WDR41: variants seen among roughly 807,000 people sequenced by gnomAD.
WDR41 encodes the protein WD repeat-containing protein 41.
WDR41 carries 63 observed loss-of-function variants against 69.3 expected under a neutral mutation model. The observed-to-expected ratio is 0.91, with a 90% CI of 0.74 to 1.12. The LOEUF (loss-of-function observed/expected upper bound fraction) is 1.12. Ranked by LOEUF, WDR41 falls within the 50% of genes most tolerant of loss-of-function variation. The pLI is 0.00. For missense variants in WDR41, 543 were observed against 534.5 expected, an observed-to-expected ratio of 1.02 and a Z score of -0.16; for synonymous variants, 185 against 192.1, an observed-to-expected ratio of 0.96 and a Z score of 0.31.
chr5:77,565,439 T>C (rs1403309473), intron 1 of WDR41, among the ~76,000 whole-genome samples: 1 of 152,124 alleles, frequency 6.6e-6, no homozygotes, highest in Non-Finnish European at 1.5e-5. Context: ...TATTCTCGTG[T>C]CAATTCCTCC....
chr5:77,492,571 G>A (rs936106334), upstream of WDR41: 3 of 285,062 alleles, frequency 1.1e-5, no homozygotes, highest in Non-Finnish European at 1.9e-5. Flanking sequence ...GGCCCCTGGT[G>A]GACGCGCGCG....
At chr5:77,565,792 C>A (rs1189558674) in intron 1 of WDR41, among the ~76,000 whole-genome samples, 1 of 152,092 alleles carries the variant, frequency 6.6e-6, no homozygotes, top group African/African-American at 2.4e-5. Context: ...TTTTATACTT[C>A]TCCTACTACA....
intron 1 of WDR41, among the ~76,000 whole-genome samples, chr5:77,600,797 T>C (rs1465822334): frequency 6.6e-6 from 1 of 152,066 alleles, no homozygotes; most frequent in Admixed American, 6.5e-5. Flanking sequence ...GGAGGATCGC[T>C]TGAACTTGGA....
At chr5:77,452,492 A>T (rs1799665332) in intron 6 of WDR41, 1 of 152,216 alleles carries the variant, frequency 6.6e-6, no homozygotes, top group African/African-American at 2.4e-5. Flanking sequence ...TATCACATTG[A>T]CTAAGATTGT....
At chr5:77,438,185 G>A in intron 10 of WDR41, 55 bp downstream of exon 10, 1 of 1,608,630 alleles carries the variant, frequency 6.2e-7, no homozygotes, top group Non-Finnish European at 8.5e-7. Context: ...TACACTGGTA[G>A]CCCTGGGAAC....
intron 2 of WDR41, among the ~76,000 whole-genome samples, chr5:77,483,373 A>G (rs1801367807): frequency 6.6e-6 from 1 of 152,026 alleles, no homozygotes; most frequent in Non-Finnish European, 1.5e-5. Flanking sequence ...TCCTGAGCTC[A>G]AGGAATCCTC....
At chr5:77,510,143 G>A (rs1197585727) in intron 1 of WDR41, among the ~76,000 whole-genome samples, 4 of 152,218 alleles carry the variant, frequency 2.6e-5, no homozygotes, top group Non-Finnish European at 5.9e-5. Context: ...TGGACTTACT[G>A]TTCCACATGG....
rs1413651155 is a variant in WDR41 at position 77,442,946 on chromosome 5, TACAC to T, written c.698-1953_698-1950del. 2.0e-5 allele frequency among the ~76,000 whole-genome samples: 3 copies of T among 148,846 alleles called. No homozygotes were observed. The East Asian group carries it at 6.0e-4, about 30-fold the overall frequency. ...TTTCCATTTTACATATTATTTATTT[TACAC>T]ACTATATATTTAATAGAAAATGTAC... On this transcript the variant is annotated intron_variant, in intron 8 of 12. Transcript: ENST00000296679.
At chr5:77,518,834 A>G (rs553821056) in intron 1 of WDR41, among the ~76,000 whole-genome samples, 370 of 152,202 alleles carry the variant, frequency 2.4e-3, no homozygotes, top group African/African-American at 8.5e-3. Flanking sequence ...ATAAATATAT[A>G]TGAGCAGTAC....
intron 7 of WDR41, among the ~76,000 whole-genome samples, chr5:77,450,603 GA>G (rs1202166843): frequency 2.0e-5 from 3 of 152,112 alleles, no homozygotes; most frequent in Non-Finnish European, 4.4e-5. Flanking sequence ...TACCAAATGT[GA>G]ATAAGGCCCA....
At chr5:77,433,482 T>C (rs1798808159) in intron 12 of WDR41, among the ~76,000 whole-genome samples, 195 bp from the exon 13 acceptor site, 1 of 152,236 alleles carries the variant, frequency 6.6e-6, no homozygotes, top group South Asian at 2.1e-4. Flanking sequence ...ATTTTGTTAA[T>C]ATTGTTCAAC....
intron 1 of WDR41, among the ~76,000 whole-genome samples, chr5:77,594,258 C>A (rs1386634359): frequency 7.0e-5 from 8 of 115,068 alleles, no homozygotes; most frequent in Non-Finnish European, 1.3e-4. Flanking sequence ...CACACCGGGG[C>A]CTGTTGTGGG....
rs1388150862 is a variant in WDR41 at position 77,432,324 on chromosome 5, A to G, written c.*811T>C. ...GGCTGGTTATAGTGTCTCAATGGAC[A>G]CTGCAAAGAACTACATAAAAGAAGT... is the stretch of plus-strand genomic sequence containing the variant. On this transcript the variant is annotated 3_prime_UTR_variant, in exon 13 of 13. Coordinates refer to ENST00000296679, the MANE Select transcript of WDR41 (RefSeq NM_018268.4). The G allele has an allele frequency of 6.6e-6, 1 of 152,334 alleles. No individual in the cohort carries two copies. Among genetic ancestry groups the G allele is most frequent in the African/African-American group, 2.4e-5 (1 of 41,446 alleles). 9.4% of individuals were successfully genotyped at this position (152,334 alleles called of 1,614,324 possible).
At chr5:77,464,922 A>G (rs1800238445) in intron 2 of WDR41, 113 bp from the exon 3 acceptor site, 1 of 1,035,732 alleles carries the variant, frequency 9.7e-7, no homozygotes, top group East Asian at 2.5e-5. Context: ...ACGAAGATCA[A>G]GTTATTTCAG....
intron 3 of WDR41, 83 bp from the exon 4 acceptor site, chr5:77,463,309 T>TAC: frequency 7.7e-7 from 1 of 1,302,036 alleles, no homozygotes; most frequent in Admixed American, 2.5e-5. Context: ...ACAACTACCA[T>TAC]ATAGAAGATA....
At chr5:77,460,595 T>C (rs1193821468) in intron 4 of WDR41, among the ~76,000 whole-genome samples, 2 of 152,308 alleles carry the variant, frequency 1.3e-5, no homozygotes, top group South Asian at 2.1e-4. Flanking sequence ...ACCAGAAGTG[T>C]TTCTGATTTT....
At chr5:77,608,282 T>C (rs1196763733) in intron 1 of WDR41, among the ~76,000 whole-genome samples, 1 of 152,234 alleles carries the variant, frequency 6.6e-6, no homozygotes, top group African/African-American at 2.4e-5. Flanking sequence ...AATATTCCAT[T>C]GTAAAATGTT....
chr5:77,598,760 G>A (rs1209115929), intron 1 of WDR41, among the ~76,000 whole-genome samples: 2 of 145,756 alleles, frequency 1.4e-5, no homozygotes, highest in Admixed American at 1.5e-4. Flanking sequence ...ACCTAGATTT[G>A]CACAGACAAT....
intron 1 of WDR41, among the ~76,000 whole-genome samples, chr5:77,502,665 G>A (rs919338982): frequency 3.3e-5 from 5 of 152,186 alleles, no homozygotes; most frequent in African/African-American, 7.2e-5. Context: ...GACTGACAGC[G>A]GATCACTCGG....
Sources: allele counts gnomAD v4.1 joint callset (sites outside exome capture counted in the v4.1 genomes callset), GRCh38; gene constraint gnomAD v4.1.1; transcripts MANE v1.5; gene names NCBI Gene and HGNC (gene_info 2026-07-23, HGNC 2026-07-21).